The following FBL variants were observed in gnomAD, a reference collection of about 807,000 sequenced individuals.
The protein encoded by FBL is rRNA 2'-O-methyltransferase fibrillarin.
Under a neutral mutation model 42.2 loss-of-function variants are expected in FBL, and 10 were observed. That is an observed-to-expected ratio of 0.24 (90% CI 0.15 to 0.40). The LOEUF (loss-of-function observed/expected upper bound fraction) is 0.40. FBL is among the 10% of genes least tolerant of loss of function. The pLI, the probability that FBL is intolerant of heterozygous loss-of-function variation, is 1.00. For missense variants in FBL, 351 were observed against 439.2 expected, an observed-to-expected ratio of 0.80 and a Z score of 1.79; for synonymous variants, 165 against 165.4, an observed-to-expected ratio of 1.00 and a Z score of 0.02.
At chr19:39,835,387 C>T (rs929900117) in intron 7 of FBL, among the ~76,000 whole-genome samples, 6 of 152,054 alleles carry the variant, frequency 3.9e-5, no homozygotes, top group Non-Finnish European at 7.4e-5. Flanking sequence ...GGTGTGGTGG[C>T]GCACACCTGT....
chr19:39,834,550 C>T lies in FBL; in HGVS notation c.954G>A (p.Lys318=), dbSNP rs748832334. 2 of 1,614,144 alleles carry T rather than the reference C, an allele frequency of 1.2e-6. No individual in the cohort carries two copies. Among genetic ancestry groups the T allele is most frequent in the South Asian group, 2.2e-5 (2 of 91,080 alleles). ...ACAGCGCTGAACTTCAGTTCTTCACCTTGGGGGGTGGCCTGTGAGAGGAAG... is the reference window on the plus strand; with the variant it reads ...ACAGCGCTGAACTTCAGTTCTTCACTTTGGGGGGTGGCCTGTGAGAGGAAG... The part of the protein sequence containing the change: ...VVVGVYRPPP[K]VKN The change falls in exon 9 of 9, where the codon AAG becomes AAA. Residue 318 remains lysine (K), a synonymous_variant. Transcript: ENST00000221801.
At chr19:39,843,425 T>C (rs931307811) in intron 1 of FBL, among the ~76,000 whole-genome samples, 1 of 152,154 alleles carries the variant, frequency 6.6e-6, no homozygotes, top group African/African-American at 2.4e-5. Flanking sequence ...TCGACCCTAG[T>C]AAGGAAGGTT....
Position 39,834,747 on chromosome 19 carries a change from G to A in FBL, c.862C>T (p.Gln288Ter). 1 of 1,614,194 alleles carries A rather than the reference G, an allele frequency of 6.2e-7. No individual in the cohort carries two copies. The highest frequency in any genetic ancestry group is 8.5e-7 in the Non-Finnish European group (1 of 1,180,026). The part of the protein sequence containing the change: ...VFASEVKKMQ[Q>*]ENMKPQEQLT... ...TGCTCCTGCGGCTTCATGTTCTCCT[G>A]TTGCATCTTTTTCACTTCGGAGGCA... The change falls in exon 8 of 9, where the codon CAG (glutamine) becomes TAG (stop). Residue 288 changes from glutamine (Q) to a stop codon, truncating the protein, a stop_gained. Transcript: ENST00000221801. LOFTEE classifies it high-confidence loss of function.
chr19:39,839,214 G>C lies in FBL; in HGVS notation c.379-9C>G. On this transcript the variant is annotated splice_polypyrimidine_tract_variant and intron_variant, in intron 4 of 8. Transcript: ENST00000221801. Reference sequence around the variant, plus strand: ...ATTTTGTCATCTCCTTCCTAGATGAGAGATGGGGACAGAAGTCAGTGCTAG... The same window carrying C: ...ATTTTGTCATCTCCTTCCTAGATGACAGATGGGGACAGAAGTCAGTGCTAG... 1 of 1,605,676 alleles carries C rather than the reference G, an allele frequency of 6.2e-7. No individual in the cohort carries two copies. The highest frequency in any genetic ancestry group is 8.5e-7 in the Non-Finnish European group (1 of 1,175,128).
intron 1 of FBL, among the ~76,000 whole-genome samples, chr19:39,844,929 T>C (rs546093839): frequency 1.6e-4 from 25 of 152,230 alleles, no homozygotes; most frequent in African/African-American, 2.9e-4. Flanking sequence ...TGGAGGAAGG[T>C]TGGAAGAACG....
chr19:39,835,732 C>T (rs1172967023), intron 7 of FBL, among the ~76,000 whole-genome samples: 7 of 151,848 alleles, frequency 4.6e-5, no homozygotes, highest in Non-Finnish European at 8.8e-5. Context: ...TCCAGAGCAG[C>T]CTGAGCAACA....
In FBL at chr19:39,834,542, T is replaced by C. The variant is rs1968986104; in HGVS notation, c.962A>G (p.Asn321Ser). The C allele has an allele frequency of 6.2e-7, 1 of 1,614,030 alleles. No individual in the cohort carries two copies. Among genetic ancestry groups the C allele is most frequent in the South Asian group, 1.1e-5 (1 of 91,082 alleles). Reference sequence around the variant, plus strand: ...CAATCCTGACAGCGCTGAACTTCAGTTCTTCACCTTGGGGGGTGGCCTGTG... The same window carrying C: ...CAATCCTGACAGCGCTGAACTTCAGCTCTTCACCTTGGGGGGTGGCCTGTG... ...GVYRPPPKVK[N>S] The change falls in exon 9 of 9, where the codon AAC (asparagine) becomes AGC (serine). Residue 321 changes from asparagine to serine, a missense_variant. Asn to Ser is a conservative substitution (Grantham distance 46). Transcript: ENST00000221801.
In FBL at chr19:39,840,616, C is replaced by T. The variant is rs779555771; in HGVS notation, c.181+1G>A. The T allele has an allele frequency of 6.2e-7, 1 of 1,613,534 alleles. No individual in the cohort carries two copies. The highest frequency in any genetic ancestry group is 8.5e-7 in the Non-Finnish European group (1 of 1,179,810). ...CCTCTGTAACCCCTAGCCAATCTTA[C>T]CACCTCTTCCTCCTCCTCCACCGCC... is the stretch of plus-strand genomic sequence containing the variant. On this transcript the variant is annotated splice_donor_variant, in intron 2 of 8. Coordinates refer to ENST00000221801, the MANE Select transcript of FBL (RefSeq NM_001436.4). LOFTEE classifies it high-confidence loss of function. This position sits in a 1 kb window ranked among gnomAD's most constrained non-coding sequence, Gnocchi z 4.5.
Position 39,834,552 on chromosome 19 carries a change from TG to T in FBL, c.951del (p.Lys318ArgfsTer2). The T allele has an allele frequency of 6.2e-7, 1 of 1,614,074 alleles. No individual in the cohort carries two copies. The highest frequency in any genetic ancestry group is 8.5e-7 in the Non-Finnish European group (1 of 1,180,002). Reference sequence around the variant, plus strand: ...AGCGCTGAACTTCAGTTCTTCACCTTGGGGGGTGGCCTGTGAGAGGAAGATA... The same window carrying T: ...AGCGCTGAACTTCAGTTCTTCACCTTGGGGGTGGCCTGTGAGAGGAAGATA... Reference protein sequence around the residue: ...AVVVGVYRPPPKVKN With the variant: ...AVVVGVYRPPXKVKN On this transcript the variant is annotated frameshift_variant, in exon 9 of 9. Coordinates refer to ENST00000221801, the MANE Select transcript of FBL (RefSeq NM_001436.4). LOFTEE classifies it high-confidence loss of function.
chr19:39,837,916 A>G (rs1261897978), intron 5 of FBL, 73 bp from the exon 6 acceptor site: 11 of 1,275,048 alleles, frequency 8.6e-6, no homozygotes, highest in Non-Finnish European at 1.2e-5. Context: ...AGGCCCATAC[A>G]CTATACACAG....
intron 4 of FBL, among the ~76,000 whole-genome samples, chr19:39,839,580 C>T (rs1969117362): frequency 1.3e-5 from 2 of 151,828 alleles, no homozygotes; most frequent in Admixed American, 6.6e-5. Flanking sequence ...GAGATGGTGA[C>T]AGGTGTTAAG....
intron 1 of FBL, among the ~76,000 whole-genome samples, chr19:39,844,462 T>C (rs1969220886): frequency 6.8e-6 from 1 of 146,124 alleles, no homozygotes; most frequent in African/African-American, 2.7e-5. Flanking sequence ...TTCCAGTAAG[T>C]TCTTTTTTTG....
At chr19:39,835,212 CCATT>C (rs1969014060) in intron 7 of FBL, among the ~76,000 whole-genome samples, 1 of 152,222 alleles carries the variant, frequency 6.6e-6, no homozygotes, top group South Asian at 2.1e-4. Context: ...AAATAAATTT[CCATT>C]CATTATAAAT....
In FBL at chr19:39,840,920, T is replaced by C. The variant is rs1252118066; in HGVS notation, c.11-133A>G. 1.2e-6 allele frequency: 1 copy of C among 825,320 alleles called. No individual in the cohort carries two copies. Among genetic ancestry groups the C allele is most frequent in the Non-Finnish European group, 1.8e-6 (1 of 566,408 alleles). 51.1% of individuals were successfully genotyped at this position (825,320 alleles called of 1,614,324 possible). A position where few individuals can be genotyped will look rare whatever the true frequency, so the allele number is the denominator to read the frequency against. On this transcript the variant is annotated intron_variant, in intron 1 of 8. Transcript: ENST00000221801. This position sits in a 1 kb window ranked among gnomAD's most constrained non-coding sequence, Gnocchi z 4.5. ...GTACAGCAGGACACATTTCCAAGAA[T>C]GTCCACAGCAAAAGAAAAGTGAAGA...
chr19:39,840,219 G>T lies in FBL; in HGVS notation c.378+14C>A. The T allele has an allele frequency of 1.2e-6, 2 of 1,604,182 alleles. No individual in the cohort carries two copies. Among genetic ancestry groups the T allele is most frequent in the Non-Finnish European group, 1.7e-6 (2 of 1,171,512 alleles). ...CTGCGACCCTGGTGGCTTGGACAGG[G>T]GCCCAGTTCTCACCGAAATCGAGAC... On this transcript the variant is annotated intron_variant, in intron 4 of 8. Coordinates refer to ENST00000221801, the MANE Select transcript of FBL (RefSeq NM_001436.4). The surrounding 1 kb of genome is among the most constrained non-coding windows in gnomAD (Gnocchi z 4.5).
Position 39,836,544 on chromosome 19 carries a change from C to CA in FBL, c.795+11dup. ...ACTGCCACCCCATCTTAGACTCTTC[C>CA]AAACCCCGCACCTTAATGGAAATCA... On this transcript the variant is annotated intron_variant, in intron 7 of 8. Transcript: ENST00000221801. 1 of 1,590,238 alleles carries CA rather than the reference C, an allele frequency of 6.3e-7. No homozygotes were observed. The highest frequency in any genetic ancestry group is 8.6e-7 in the Non-Finnish European group (1 of 1,158,758).
At chr19:39,841,369 C>T (rs1378498454) in intron 1 of FBL, among the ~76,000 whole-genome samples, 1 of 151,970 alleles carries the variant, frequency 6.6e-6, no homozygotes, top group Non-Finnish European at 1.5e-5. Context: ...ATCATACTGC[C>T]CAAGAAAAGG....
chr19:39,834,675 C>T lies in FBL; in HGVS notation c.934G>A (p.Val312Met). Residue 312 changes from valine (V) to methionine (M), a missense_variant, in exon 8 of 9, where the codon GTG (valine) becomes ATG (methionine). Val to Met is a conservative substitution (Grantham distance 21, BLOSUM62 1). Coordinates refer to ENST00000221801, the MANE Select transcript of FBL (RefSeq NM_001436.4). ...YERDHAVVVG[V>M]YRPPPKVKN ...TGCTGGGCCCCTGCTCACCTGTACA[C>T]TCCCACGACCACGGCATGGTCTCTT... 6.2e-7 allele frequency: 1 copy of T among 1,614,152 alleles called. No homozygotes were observed. The highest frequency in any genetic ancestry group is 2.2e-5 in the East Asian group (1 of 44,888).
intron 6 of FBL, among the ~76,000 whole-genome samples, chr19:39,837,502 T>C (rs545599235): frequency 3.2e-4 from 49 of 151,772 alleles, no homozygotes; most frequent in Non-Finnish European, 6.2e-4. Context: ...GGAGAAGAGG[T>C]TGGCCCTCCA....
Sources: gnomAD v4.1 joint callset for allele counts (sites outside exome capture counted in the v4.1 genomes callset) on GRCh38, gnomAD v4.1.1 for gene constraint, Gnocchi (gnomAD v3.1) non-coding constraint, MANE v1.5 for transcripts, NCBI Gene and HGNC (gene_info 2026-07-23, HGNC 2026-07-21) for gene names.